The following DOCK3 variants were observed in gnomAD, a reference collection of about 807,000 sequenced individuals.
DOCK3 encodes the protein dedicator of cytokinesis 3.
In DOCK3, 60 loss-of-function variants were observed where a neutral mutation model predicts 265.6. The ratio of observed to expected loss-of-function variants is 0.23; its 90% CI spans 0.18 to 0.28. The LOEUF (loss-of-function observed/expected upper bound fraction) is 0.28. Ranked by LOEUF, DOCK3 falls within the 10% of genes least tolerant of loss-of-function variation. The pLI, the probability that DOCK3 is intolerant of heterozygous loss-of-function variation, is 1.00. For synonymous variants in DOCK3, 881 were observed against 938.0 expected (o/e 0.94, Z 1.11); for missense variants, 1,981 against 2,594.3 (o/e 0.76, Z 5.14).
intron 32 of DOCK3, among the ~76,000 whole-genome samples, chr3:51,317,627 T>C (rs1576778645): frequency 7.2e-6 from 1 of 138,924 alleles, no homozygotes; most frequent in African/African-American, 2.6e-5. Flanking sequence ...TAATAATGTA[T>C]ATTTAAAAAT....
intron 1 of DOCK3, among the ~76,000 whole-genome samples, chr3:50,767,909 G>T (rs1010832557): frequency 7.0e-4 from 1 of 1,426 alleles, no homozygotes; most frequent in Non-Finnish European, 3.7e-3. Flanking sequence ...CTCATGATTT[G>T]GCTCTCTGTC....
At chr3:50,856,823 A>C (rs889158197) in intron 3 of DOCK3, among the ~76,000 whole-genome samples, 2 of 152,142 alleles carry the variant, frequency 1.3e-5, no homozygotes, top group African/African-American at 4.8e-5. Flanking sequence ...TGGGTTTGTC[A>C]TCTATGGCTC....
At chr3:50,979,832 A>G (rs1292228412) in intron 5 of DOCK3, among the ~76,000 whole-genome samples, 1 of 152,192 alleles carries the variant, frequency 6.6e-6, no homozygotes, top group African/African-American at 2.4e-5. Flanking sequence ...GAATTCATTT[A>G]TTAGTTCTAA....
Position 50,782,289 on chromosome 3 carries a change from A to ATTTATTT in DOCK3, c.121+3534_121+3535insATTTTTT, listed in dbSNP as rs753448133. Among the ~76,000 whole-genome samples the ATTTATTT allele has an allele frequency of 4.5e-5, 5 of 110,044 alleles. 1 individual carries two copies. Among genetic ancestry groups the ATTTATTT allele is most frequent in the Non-Finnish European group, 8.5e-5 (5 of 59,050 alleles). The allele number at this position is 110,044 out of a possible 152,430, so 72.2% of individuals were successfully genotyped here. A position where few individuals can be genotyped will look rare whatever the true frequency, so the allele number is the denominator to read the frequency against. On this transcript the variant is annotated intron_variant, in intron 2 of 52. Coordinates refer to ENST00000266037, the MANE Select transcript of DOCK3 (RefSeq NM_004947.5). ...CTCAGCAGTCTCACCAGTACCTGTT[A>ATTTATTT]TTTTTTTTTTTTTTTTTTTGAGACG...
At chr3:51,120,955 T>C (rs1306982923) in intron 9 of DOCK3, among the ~76,000 whole-genome samples, 1 of 152,182 alleles carries the variant, frequency 6.6e-6, no homozygotes, top group Non-Finnish European at 1.5e-5. Flanking sequence ...GGCTTCAGCT[T>C]CCTTTCCAGG....
intron 9 of DOCK3, among the ~76,000 whole-genome samples, chr3:51,106,143 G>T (rs1056626544): frequency 1.3e-5 from 2 of 152,206 alleles, no homozygotes; most frequent in African/African-American, 4.8e-5. Flanking sequence ...AGCCCCTAGA[G>T]GAACTGTCTG....
intron 2 of DOCK3, among the ~76,000 whole-genome samples, chr3:50,836,841 A>G (rs992895798): frequency 5.3e-5 from 8 of 152,124 alleles, no homozygotes; most frequent in African/African-American, 2.4e-5. Context: ...CTCTTTAGAA[A>G]TGTCTTCCGC....
chr3:51,012,641 T>C (rs1439025428), intron 5 of DOCK3, among the ~76,000 whole-genome samples: 1 of 150,660 alleles, frequency 6.6e-6, no homozygotes, highest in Non-Finnish European at 1.5e-5. Context: ...CCCGGTGGAC[T>C]GCACCCACTG....
At position 51,275,202 on chromosome 3, in the gene DOCK3, C is replaced by G; in HGVS notation, c.2672C>G (p.Ser891Cys). The part of the protein sequence containing the change: ...GSIFSIVKTS[S>C]LEADVMEEVE... ...ATCTTCTCCATCGTCAAGACCAGCT[C>G]TCTGGTAGTGGCCCCACACCCACTC... The change falls in exon 25 of 53, where the codon TCT becomes TGT. Residue 891 changes from serine to cysteine, a missense_variant. Physicochemically the swap from Ser to Cys is moderately radical, Grantham distance 112. Coordinates refer to ENST00000266037, the MANE Select transcript of DOCK3 (RefSeq NM_004947.5). 6.2e-7 allele frequency: 1 copy of G among 1,613,922 alleles called. No homozygotes were observed. The highest frequency in any genetic ancestry group is 8.5e-7 in the Non-Finnish European group (1 of 1,179,886).
At chr3:50,977,912 AC>A (rs2077524668) in intron 5 of DOCK3, among the ~76,000 whole-genome samples, 1 of 151,800 alleles carries the variant, frequency 6.6e-6, no homozygotes, top group African/African-American at 2.4e-5. Context: ...CATCGCTGAT[AC>A]CCTTTCTTCC....
chr3:50,762,835 A>AAATGTTTTTTTCC (rs1390694075), intron 1 of DOCK3, among the ~76,000 whole-genome samples: 19 of 151,648 alleles, frequency 1.3e-4, no homozygotes, highest in Non-Finnish European at 2.2e-4. Context: ...TTTCCTTGTG[A>AAATGTTTTTTTCC]TATGTTTGTT....
At chr3:50,967,305 T>C (rs928941567) in intron 5 of DOCK3, among the ~76,000 whole-genome samples, 8 of 152,212 alleles carry the variant, frequency 5.3e-5, no homozygotes, top group Non-Finnish European at 1.2e-4. Flanking sequence ...TCACTTAACA[T>C]AATGACCACT....
chr3:51,140,352 G>A (rs2084992964), intron 9 of DOCK3, among the ~76,000 whole-genome samples: 1 of 152,182 alleles, frequency 6.6e-6, no homozygotes, highest in African/African-American at 2.4e-5. Context: ...GAATCATACA[G>A]TGTGTGGTCT....
At chr3:50,835,965 T>TC (rs1223941860) in intron 2 of DOCK3, among the ~76,000 whole-genome samples, 2 of 151,988 alleles carry the variant, frequency 1.3e-5, no homozygotes, top group African/African-American at 2.4e-5. Context: ...GAGCCAAGTA[T>TC]CCCCCCATAA....
At chr3:51,320,626 C>T (rs1471589781) in intron 32 of DOCK3, among the ~76,000 whole-genome samples, 4 of 152,130 alleles carry the variant, frequency 2.6e-5, no homozygotes, top group African/African-American at 7.2e-5. Context: ...CTGGGACACT[C>T]GAGCCTGGTT....
chr3:51,016,550 TATATATC>T (rs371009125), intron 5 of DOCK3, among the ~76,000 whole-genome samples: 68,521 of 80,870 alleles, frequency 0.85, 28,925 homozygotes, highest in East Asian at 0.94. Context: ...TATATATTTA[TATATATC>T]ATATATTATA....
chr3:50,927,000 A>T (rs1477383477), intron 4 of DOCK3, among the ~76,000 whole-genome samples: 1 of 152,204 alleles, frequency 6.6e-6, no homozygotes, highest in Non-Finnish European at 1.5e-5. Context: ...CACAGAGCAA[A>T]CATTGAAGTT....
intron 12 of DOCK3, among the ~76,000 whole-genome samples, chr3:51,191,486 C>A (rs1021119324): frequency 6.6e-6 from 1 of 152,128 alleles, no homozygotes; most frequent in Non-Finnish European, 1.5e-5. Context: ...TAAATCAGTT[C>A]CAGCACTGGG....
At chr3:51,228,280 G>A (rs567199940) in intron 17 of DOCK3, among the ~76,000 whole-genome samples, 192 bp downstream of exon 17, 5 of 152,262 alleles carry the variant, frequency 3.3e-5, no homozygotes, top group South Asian at 2.1e-4. Context: ...CACAAGTAAC[G>A]CCAACAGGTT....
Sources: allele counts gnomAD v4.1 joint callset (sites outside exome capture counted in the v4.1 genomes callset), GRCh38; gene constraint gnomAD v4.1.1; transcripts MANE v1.5; gene names NCBI Gene and HGNC (gene_info 2026-07-23, HGNC 2026-07-21).